The following ATP6V1G2 variants were observed in gnomAD, a reference collection of about 807,000 sequenced individuals.
ATP6V1G2 encodes V-type proton ATPase subunit G 2.
In ATP6V1G2, 14 loss-of-function variants were observed where a neutral mutation model predicts 17.8. The ratio of observed to expected loss-of-function variants is 0.79; its 90% CI spans 0.52 to 1.23. The LOEUF is 1.23. ATP6V1G2 is among the 50% of genes most tolerant of loss of function. The pLI is 0.00. For missense variants in ATP6V1G2, 112 were observed against 152.2 expected, an observed-to-expected ratio of 0.74 and a Z score of 1.39; for synonymous variants, 57 against 54.8, an observed-to-expected ratio of 1.04 and a Z score of -0.17.
chr6:31,545,730 C>A lies in ATP6V1G2; in HGVS notation c.184-149G>T. ...CCATCCCACAGAAATATCCCAACAC[C>A]AAAGAGATCAACACAGTCCCCTTTC... On this transcript the variant is annotated intron_variant, in intron 2 of 2. Coordinates refer to ENST00000303892, the MANE Select transcript of ATP6V1G2 (RefSeq NM_130463.4). The surrounding 1 kb of genome is among the most constrained non-coding windows in gnomAD (Gnocchi z 4.9). The A allele has an allele frequency of 1.2e-6, 1 of 837,340 alleles. No individual in the cohort carries two copies. The highest frequency in any genetic ancestry group is 1.8e-6 in the Non-Finnish European group (1 of 550,990). 51.9% of individuals were successfully genotyped at this position (837,340 alleles called of 1,614,324 possible). A position where few individuals can be genotyped will look rare whatever the true frequency, so the allele number is the denominator to read the frequency against.
In ATP6V1G2 at chr6:31,545,105, A is replaced by G. The variant is rs1053396353; in HGVS notation, c.*303T>C. The stretch of plus-strand genomic sequence containing the variant: ...TGACAGGGTCAAGAGAGGGACCCAC[A>G]TCGGCCAGACACTGAAGTCAGGATG... On this transcript the variant is annotated 3_prime_UTR_variant, in exon 3 of 3. Transcript: ENST00000303892. This position sits in a 1 kb window ranked among gnomAD's most constrained non-coding sequence, Gnocchi z 4.9. 3.9e-6 allele frequency: 2 copies of G among 506,720 alleles called. No homozygotes were observed. The highest frequency in any genetic ancestry group is 3.5e-6 in the Non-Finnish European group (1 of 283,118). The allele number at this position is 506,720 out of a possible 1,614,324, so 31.4% of individuals were successfully genotyped here. A position where few individuals can be genotyped will look rare whatever the true frequency, so the allele number is the denominator to read the frequency against.
Position 31,544,973 on chromosome 6 carries a change from A to G in ATP6V1G2, c.*435T>C. Reference sequence around the variant, plus strand: ...AGACTTTACAGAATGATTCCTAATCATTGAAGCAACCCTCACAAGGTAGGC... The same window carrying G: ...AGACTTTACAGAATGATTCCTAATCGTTGAAGCAACCCTCACAAGGTAGGC... On this transcript the variant is annotated 3_prime_UTR_variant, in exon 3 of 3. Transcript: ENST00000303892. 2.9e-6 allele frequency: 1 copy of G among 347,986 alleles called. No homozygotes were observed. Among genetic ancestry groups the G allele is most frequent in the Non-Finnish European group, 5.6e-6 (1 of 177,658 alleles). 21.6% of individuals were successfully genotyped at this position (347,986 alleles called of 1,614,324 possible).
rs1243183326 is a variant in ATP6V1G2, at chr6:31,544,602, A to AT, written c.*805dup. On this transcript the variant is annotated 3_prime_UTR_variant, in exon 3 of 3. Transcript: ENST00000303892. ...GATCTTAGAAAGCAATGAGCATCTGATAAGTCTTTGGGGAAATAGGAAAGG... is the reference window on the plus strand; with the variant it reads ...GATCTTAGAAAGCAATGAGCATCTGATTAAGTCTTTGGGGAAATAGGAAAGG... 2 of 424,708 alleles carry AT rather than the reference A, an allele frequency of 4.7e-6. No homozygotes were observed. Among genetic ancestry groups the AT allele is most frequent in the Non-Finnish European group, 9.4e-6 (2 of 213,566 alleles). The allele number at this position is 424,708 out of a possible 1,614,324, so 26.3% of individuals were successfully genotyped here.
rs1481058351 is a variant in ATP6V1G2 at position 31,546,116 on chromosome 6, T to C, written c.176A>G (p.Gln59Arg). 6.2e-7 allele frequency: 1 copy of C among 1,613,934 alleles called. No homozygotes were observed. Among genetic ancestry groups the C allele is most frequent in the African/African-American group, 1.3e-5 (1 of 74,872 alleles). The change falls in exon 2 of 3, where the codon CAG becomes CGG. Residue 59 changes from glutamine to arginine, a missense_variant. By Grantham distance (43) the Gln-to-Arg change is conservative. Transcript: ENST00000303892. This position sits in a 1 kb window ranked among gnomAD's most constrained non-coding sequence, Gnocchi z 4.1. Reference sequence around the variant, plus strand: ...GACTCTGCCTCAACTCACCGCCTGCTGCTTGCTCTGGAATTCGTGCTCTCG... The same window carrying C: ...GACTCTGCCTCAACTCACCGCCTGCCGCTTGCTCTGGAATTCGTGCTCTCG... Reference protein sequence around the residue: ...REREHEFQSKQQAAMGSQGNL... With the variant: ...REREHEFQSKRQAAMGSQGNL...
At position 31,545,299 on chromosome 6, in the gene ATP6V1G2, G is replaced by A; in HGVS notation, c.*109C>T. 1 of 1,310,318 alleles carries A rather than the reference G, an allele frequency of 7.6e-7. No homozygotes were observed. The highest frequency in any genetic ancestry group is 2.5e-5 in the East Asian group (1 of 40,814). 81.2% of individuals were successfully genotyped at this position (1,310,318 alleles called of 1,614,324 possible). On this transcript the variant is annotated 3_prime_UTR_variant, in exon 3 of 3. Coordinates refer to ENST00000303892, the MANE Select transcript of ATP6V1G2 (RefSeq NM_130463.4). This position sits in a 1 kb window ranked among gnomAD's most constrained non-coding sequence, Gnocchi z 4.9. ...AAAATTATTGGATCCTGCCTCCCAG[G>A]ATTTCTAGGGGATGGAAAGAAGACA... is the stretch of plus-strand genomic sequence containing the variant.
rs1271476905 is a variant in ATP6V1G2, at chr6:31,544,491, CT to C, written c.*916del. 12 of 232,838 alleles carry C rather than the reference CT, an allele frequency of 5.2e-5. No homozygotes were observed. Among genetic ancestry groups the C allele is most frequent in the Non-Finnish European group, 8.8e-5 (10 of 113,026 alleles). The allele number at this position is 232,838 out of a possible 1,614,324, so 14.4% of individuals were successfully genotyped here. A position where few individuals can be genotyped will look rare whatever the true frequency, so the allele number is the denominator to read the frequency against. ...TTTGCCAATAATTATTTTATTGATA[CT>C]TTTTTTATTGTTACAATGGGAAAGT... On this transcript the variant is annotated 3_prime_UTR_variant, in exon 3 of 3. Transcript: ENST00000303892.
chr6:31,545,101 C>T lies in ATP6V1G2; in HGVS notation c.*307G>A, dbSNP rs1768858292. The T allele has an allele frequency of 4.0e-6, 2 of 498,866 alleles. No individual in the cohort carries two copies. Among genetic ancestry groups the T allele is most frequent in the Non-Finnish European group, 7.2e-6 (2 of 278,314 alleles). 30.9% of individuals were successfully genotyped at this position (498,866 alleles called of 1,614,324 possible). ...CAAGTGACAGGGTCAAGAGAGGGAC[C>T]CACATCGGCCAGACACTGAAGTCAG... On this transcript the variant is annotated 3_prime_UTR_variant, in exon 3 of 3. Coordinates refer to ENST00000303892, the MANE Select transcript of ATP6V1G2 (RefSeq NM_130463.4). The surrounding 1 kb of genome is among the most constrained non-coding windows in gnomAD (Gnocchi z 4.9).
At position 31,546,287 on chromosome 6, in the gene ATP6V1G2, A is replaced by G; in HGVS notation, c.83-78T>C. ...GTAATAGCAGGAGTCAGTCCCTTCC[A>G]GAAAGTTATACAGCCTTCTCTCAGC... On this transcript the variant is annotated intron_variant, in intron 1 of 2. Coordinates refer to ENST00000303892, the MANE Select transcript of ATP6V1G2 (RefSeq NM_130463.4). The surrounding 1 kb of genome is among the most constrained non-coding windows in gnomAD (Gnocchi z 4.1). 1 of 1,440,462 alleles carries G rather than the reference A, an allele frequency of 6.9e-7. No individual in the cohort carries two copies. The highest frequency in any genetic ancestry group is 9.7e-7 in the Non-Finnish European group (1 of 1,028,146). 89.2% of individuals were successfully genotyped at this position (1,440,462 alleles called of 1,614,324 possible).
rs1370974173 is a variant in ATP6V1G2 at position 31,545,971 on chromosome 6, A to G, written c.183+138T>C. ...TACATATCATCACAAAGTTTCACCAATGTTGTGGTCCCTGCCAGGGTCCCC... is the reference window on the plus strand; with the variant it reads ...TACATATCATCACAAAGTTTCACCAGTGTTGTGGTCCCTGCCAGGGTCCCC... On this transcript the variant is annotated intron_variant, in intron 2 of 2. Coordinates refer to ENST00000303892, the MANE Select transcript of ATP6V1G2 (RefSeq NM_130463.4). The surrounding 1 kb of genome is among the most constrained non-coding windows in gnomAD (Gnocchi z 4.9). 1 of 811,752 alleles carries G rather than the reference A, an allele frequency of 1.2e-6. No individual in the cohort carries two copies. The highest frequency in any genetic ancestry group is 2.1e-6 in the Non-Finnish European group (1 of 482,120). 50.3% of individuals were successfully genotyped at this position (811,752 alleles called of 1,614,324 possible).
chr6:31,546,042 T>C lies in ATP6V1G2; in HGVS notation c.183+67A>G. ...CCATATTTTCTTGTTGAGTCACCCT[T>C]ACACACCTCACTAGATGCACCCACC... On this transcript the variant is annotated intron_variant, in intron 2 of 2. Coordinates refer to ENST00000303892, the MANE Select transcript of ATP6V1G2 (RefSeq NM_130463.4). The surrounding 1 kb of genome is among the most constrained non-coding windows in gnomAD (Gnocchi z 4.1). The C allele has an allele frequency of 1.3e-6, 2 of 1,512,794 alleles. No individual in the cohort carries two copies. Among genetic ancestry groups the C allele is most frequent in the Non-Finnish European group, 1.8e-6 (2 of 1,088,044 alleles). The allele number at this position is 1,512,794 out of a possible 1,614,324, so 93.7% of individuals were successfully genotyped here. A position where few individuals can be genotyped will look rare whatever the true frequency, so the allele number is the denominator to read the frequency against.
rs765105097 is a variant in ATP6V1G2 at position 31,545,107 on chromosome 6, C to T, written c.*301G>A. The T allele has an allele frequency of 5.9e-6, 3 of 507,150 alleles. No homozygotes were observed. Among genetic ancestry groups the T allele is most frequent in the Non-Finnish European group, 1.1e-5 (3 of 283,554 alleles). 31.4% of individuals were successfully genotyped at this position (507,150 alleles called of 1,614,324 possible). A position where few individuals can be genotyped will look rare whatever the true frequency, so the allele number is the denominator to read the frequency against. On this transcript the variant is annotated 3_prime_UTR_variant, in exon 3 of 3. Transcript: ENST00000303892. This position sits in a 1 kb window ranked among gnomAD's most constrained non-coding sequence, Gnocchi z 4.9. ...ACAGGGTCAAGAGAGGGACCCACAT[C>T]GGCCAGACACTGAAGTCAGGATGTT...
In ATP6V1G2 at chr6:31,544,956, C is replaced by T; in HGVS notation, c.*452G>A. 2.9e-6 allele frequency: 1 copy of T among 349,436 alleles called. No individual in the cohort carries two copies. Among genetic ancestry groups the T allele is most frequent in the Non-Finnish European group, 5.6e-6 (1 of 177,376 alleles). The allele number at this position is 349,436 out of a possible 1,614,324, so 21.6% of individuals were successfully genotyped here. ...ATGCAAGGAACTGTGCTAGACTTTA[C>T]AGAATGATTCCTAATCATTGAAGCA... is the stretch of plus-strand genomic sequence containing the variant. On this transcript the variant is annotated 3_prime_UTR_variant, in exon 3 of 3. Coordinates refer to ENST00000303892, the MANE Select transcript of ATP6V1G2 (RefSeq NM_130463.4).
upstream of ATP6V1G2, chr6:31,546,616 A>T: frequency 6.6e-7 from 1 of 1,504,520 alleles, no homozygotes; most frequent in Non-Finnish European, 9.2e-7. The surrounding 1 kb of genome is among the most constrained non-coding windows in gnomAD (Gnocchi z 4.1). Flanking sequence ...GATGGCTCCC[A>T]CCCCCCACCG....
rs1214700730 is a variant in ATP6V1G2 at position 31,545,845 on chromosome 6, C to A, written c.183+264G>T. On this transcript the variant is annotated intron_variant, in intron 2 of 2. Transcript: ENST00000303892. The surrounding 1 kb of genome is among the most constrained non-coding windows in gnomAD (Gnocchi z 4.9). ...CATGACCATAAAACTCTACCCTCCACCACAAATGTTAATCATACTCCACAT... is the reference window on the plus strand; with the variant it reads ...CATGACCATAAAACTCTACCCTCCAACACAAATGTTAATCATACTCCACAT... 1.1e-4 allele frequency: 68 copies of A among 611,370 alleles called. No homozygotes were observed. Among genetic ancestry groups the A allele is most frequent in the Non-Finnish European group, 5.8e-5 (20 of 346,132 alleles). The allele number at this position is 611,370 out of a possible 1,614,324, so 37.9% of individuals were successfully genotyped here.
rs777888786 is a variant in ATP6V1G2, at chr6:31,545,408, C to T, written c.357G>A (p.Ter119=). 1.3e-4 allele frequency: 213 copies of T among 1,613,458 alleles called. No homozygotes were observed. Among genetic ancestry groups the T allele is most frequent in the Non-Finnish European group, 1.8e-4 (207 of 1,179,804 alleles). ...QVHPNYRISA[*] is the part of the protein sequence containing the mutation. ...GAAGGAGTCAGGCCCTACGGTGGCC[C>T]TAGGCAGAAATCCGGTAGTTGGGGT... Residue 119 remains the stop codon, a stop_retained_variant, in exon 3 of 3, where the codon TAG becomes TAA. Coordinates refer to ENST00000303892, the MANE Select transcript of ATP6V1G2 (RefSeq NM_130463.4). This position sits in a 1 kb window ranked among gnomAD's most constrained non-coding sequence, Gnocchi z 4.9.
Position 31,546,104 on chromosome 6 carries a change from C to T in ATP6V1G2, c.183+5G>A, listed in dbSNP as rs1768962629. 1 of 1,614,042 alleles carries T rather than the reference C, an allele frequency of 6.2e-7. No individual in the cohort carries two copies. Among genetic ancestry groups the T allele is most frequent in the Non-Finnish European group, 8.5e-7 (1 of 1,180,008 alleles). On this transcript the variant is annotated splice_donor_5th_base_variant and intron_variant, in intron 2 of 2. Transcript: ENST00000303892. The surrounding 1 kb of genome is among the most constrained non-coding windows in gnomAD (Gnocchi z 4.1). ...GGGTCTCAACCCGACTCTGCCTCAA[C>T]TCACCGCCTGCTGCTTGCTCTGGAA...
upstream of ATP6V1G2, chr6:31,546,655 G>A (rs1769025407): frequency 1.7e-6 from 2 of 1,155,214 alleles, no homozygotes; most frequent in Admixed American, 1.7e-5. The surrounding 1 kb of genome is among the most constrained non-coding windows in gnomAD (Gnocchi z 4.1). Context: ...GCTCGTTGCT[G>A]CAGTCCTCCA....
Position 31,545,901 on chromosome 6 carries a change from TC to T in ATP6V1G2, c.183+207del. The T allele has an allele frequency of 3.2e-6, 2 of 621,656 alleles. No homozygotes were observed. The highest frequency in any genetic ancestry group is 5.5e-5 in the East Asian group (2 of 36,610). The allele number at this position is 621,656 out of a possible 1,614,324, so 38.5% of individuals were successfully genotyped here. The stretch of plus-strand genomic sequence containing the variant: ...TTATACTTTACACAGACTGTGGCAT[TC>T]CGCCCACAAGCTCTATGTGGCCTTC... On this transcript the variant is annotated intron_variant, in intron 2 of 2. Coordinates refer to ENST00000303892, the MANE Select transcript of ATP6V1G2 (RefSeq NM_130463.4). This position sits in a 1 kb window ranked among gnomAD's most constrained non-coding sequence, Gnocchi z 4.9.
rs376526382 is a variant in ATP6V1G2 at position 31,545,544 on chromosome 6, T to C, written c.221A>G (p.Glu74Gly). The C allele has an allele frequency of 6.2e-7, 1 of 1,613,966 alleles. No individual in the cohort carries two copies. Among genetic ancestry groups the C allele is most frequent in the African/African-American group, 1.3e-5 (1 of 75,002 alleles). ...CTGCACCTGGCGCCTTGTAGCCTGCTCCACCTCAGCAGACAGGTTCCCCTG... is the reference window on the plus strand; with the variant it reads ...CTGCACCTGGCGCCTTGTAGCCTGCCCCACCTCAGCAGACAGGTTCCCCTG... ...GSQGNLSAEVEQATRRQVQGM... is the reference protein window; with the variant it reads ...GSQGNLSAEVGQATRRQVQGM... The change falls in exon 3 of 3, where the codon GAG (glutamate) becomes GGG (glycine). Residue 74 changes from glutamate to glycine, a missense_variant. Coordinates refer to ENST00000303892, the MANE Select transcript of ATP6V1G2 (RefSeq NM_130463.4). The surrounding 1 kb of genome is among the most constrained non-coding windows in gnomAD (Gnocchi z 4.9).
Sources: allele counts gnomAD v4.1 joint callset, GRCh38; gene constraint gnomAD v4.1.1; non-coding constraint Gnocchi (gnomAD v3.1); transcripts MANE v1.5; gene names NCBI Gene and HGNC (gene_info 2026-07-23, HGNC 2026-07-21).